EMCN: variants seen among roughly 807,000 people sequenced by gnomAD.
EMCN encodes the protein endomucin, also known as MUC-14.
In EMCN, 37 loss-of-function variants were observed where a neutral mutation model predicts 38.4. The observed-to-expected ratio is 0.96, with a 90% confidence interval of 0.74 to 1.27. The LOEUF (loss-of-function observed/expected upper bound fraction) is 1.27. Among genes scored for constraint, EMCN ranks in the 50% most tolerant of loss-of-function variants. The pLI is 0.00. For synonymous variants in EMCN, 95 were observed against 100.8 expected, an observed-to-expected ratio of 0.94 and a Z score of 0.35; for missense variants, 318 against 302.8, an observed-to-expected ratio of 1.05 and a Z score of -0.37.
chr4:100,446,291 A>G (rs1165507130), intron 5 of EMCN: 18 of 738,546 alleles, frequency 2.4e-5, no homozygotes, highest in Non-Finnish European at 3.0e-5. Flanking sequence ...TTAATGAATT[A>G]AAAAAATGGT....
intron 7 of EMCN, among the ~76,000 whole-genome samples, chr4:100,422,817 CT>C (rs374729290): frequency 5.8e-5 from 7 of 120,316 alleles, no homozygotes; most frequent in African/African-American, 7.3e-5. Context: ...TTCTTTCTTT[CT>C]TTTCTTTTTT....
chr4:100,478,088 C>G (rs976965323), intron 2 of EMCN, among the ~76,000 whole-genome samples: 1 of 152,140 alleles, frequency 6.6e-6, no homozygotes, highest in Admixed American at 6.5e-5. Context: ...GAGTTATTTT[C>G]TCTGTTGTCT....
At chr4:100,411,154 C>T (rs143202210) in intron 10 of EMCN, among the ~76,000 whole-genome samples, 3,336 of 152,218 alleles carry the variant, frequency 0.022, 48 homozygotes, top group Non-Finnish European at 0.035. Context: ...GTTACTTGTA[C>T]CATCACGGCA....
chr4:100,455,744 A>T (rs571611291), intron 4 of EMCN, among the ~76,000 whole-genome samples: 2 of 151,770 alleles, frequency 1.3e-5, no homozygotes, highest in African/African-American at 4.8e-5. Context: ...ACCTGAATCT[A>T]TGGGTTTATA....
chr4:100,433,432 T>C (rs1449112141), intron 5 of EMCN, among the ~76,000 whole-genome samples: 1 of 152,238 alleles, frequency 6.6e-6, no homozygotes, highest in African/African-American at 2.4e-5. Context: ...TATGTGGTGG[T>C]AATTTCATAT....
chr4:100,410,466 G>C (rs1159545518), intron 10 of EMCN, 111 bp from the exon 11 acceptor site: 3 of 1,070,864 alleles, frequency 2.8e-6, no homozygotes, highest in Non-Finnish European at 4.2e-6. Context: ...TTTCCTGCAA[G>C]AATGTCATTA....
At chr4:100,517,695 TCTC>T (rs1729794976) in intron 1 of EMCN, among the ~76,000 whole-genome samples, 153 bp downstream of exon 1, 2 of 152,014 alleles carry the variant, frequency 1.3e-5, no homozygotes, top group South Asian at 4.1e-4. Flanking sequence ...TCTCAAGCCT[TCTC>T]CACGCACTCC....
intron 1 of EMCN, among the ~76,000 whole-genome samples, chr4:100,481,291 TA>T (rs1419423299): frequency 6.6e-6 from 1 of 152,122 alleles, no homozygotes; most frequent in Non-Finnish European, 1.5e-5. Flanking sequence ...GAAAAACCAA[TA>T]ATCTAGCATG....
intron 1 of EMCN, among the ~76,000 whole-genome samples, chr4:100,489,584 T>C (rs1157269758): frequency 2.0e-5 from 3 of 152,230 alleles, no homozygotes; most frequent in Non-Finnish European, 4.4e-5. Context: ...TTTGTGGTGA[T>C]GCTAGTATAA....
At chr4:100,468,498 A>C (rs1728385612) in intron 3 of EMCN, among the ~76,000 whole-genome samples, 1 of 152,142 alleles carries the variant, frequency 6.6e-6, no homozygotes, top group Non-Finnish European at 1.5e-5. Flanking sequence ...GAATTACAGC[A>C]TTGTTTTATC....
chr4:100,508,024 G>T (rs903480252), intron 1 of EMCN, among the ~76,000 whole-genome samples: 4 of 152,182 alleles, frequency 2.6e-5, no homozygotes, highest in Admixed American at 1.3e-4. Flanking sequence ...TGCTGCAGAA[G>T]AAGCGTATCT....
chr4:100,436,428 T>C (rs1727354616), intron 5 of EMCN, among the ~76,000 whole-genome samples: 1 of 152,120 alleles, frequency 6.6e-6, no homozygotes, highest in Admixed American at 6.6e-5. Flanking sequence ...GTAAATTAGT[T>C]CAACCATTGT....
intron 3 of EMCN, among the ~76,000 whole-genome samples, chr4:100,473,397 T>TTTTTTTA (rs1728548550): frequency 7.1e-6 from 1 of 140,490 alleles, no homozygotes; most frequent in Non-Finnish European, 1.6e-5. Context: ...TTTTTTTTTT[T>TTTTTTTA]GCTAATGACA....
At chr4:100,437,051 A>T (rs1727373370) in intron 5 of EMCN, among the ~76,000 whole-genome samples, 2 of 152,294 alleles carry the variant, frequency 1.3e-5, no homozygotes, top group African/African-American at 2.4e-5. Flanking sequence ...TTGGGGGAAA[A>T]AAAGAATTCC....
At chr4:100,434,227 A>T (rs1727284469) in intron 5 of EMCN, among the ~76,000 whole-genome samples, 1 of 152,122 alleles carries the variant, frequency 6.6e-6, no homozygotes, top group Non-Finnish European at 1.5e-5. Context: ...CAACCATCAG[A>T]GACTACTATA....
In EMCN at chr4:100,397,987, C is replaced by T. The variant is rs920232220; in HGVS notation, c.*426G>A. 1 of 151,856 alleles carries T rather than the reference C, an allele frequency of 6.6e-6. No individual in the cohort carries two copies. Among genetic ancestry groups the T allele is most frequent in the South Asian group, 2.1e-4 (1 of 4,794 alleles). 9.4% of individuals were successfully genotyped at this position (151,856 alleles called of 1,614,324 possible). On this transcript the variant is annotated 3_prime_UTR_variant, in exon 12 of 12. Coordinates refer to ENST00000296420, the MANE Select transcript of EMCN (RefSeq NM_016242.4). ...CATAGTGGTAAACAATAAATACTAA[C>T]AGTAGGTAATATAAGAACACTGAGA...
At chr4:100,445,841 G>A (rs983246752) in intron 5 of EMCN, among the ~76,000 whole-genome samples, 1 of 152,154 alleles carries the variant, frequency 6.6e-6, no homozygotes, top group Non-Finnish European at 1.5e-5. Context: ...GTAAAAAAAT[G>A]AGACTCAATT....
At chr4:100,411,406 G>A (rs1268312914) in intron 10 of EMCN, among the ~76,000 whole-genome samples, 1 of 152,112 alleles carries the variant, frequency 6.6e-6, no homozygotes, top group East Asian at 1.9e-4. Flanking sequence ...TCATCCCCTA[G>A]TATCTGCCAG....
In EMCN at chr4:100,473,022, T is replaced by TATA. The variant is rs1553930756; in HGVS notation, c.259+2015_259+2016insTAT. On this transcript the variant is annotated intron_variant, in intron 3 of 11. Coordinates refer to ENST00000296420, the MANE Select transcript of EMCN (RefSeq NM_016242.4). ...TATATATATATATTATATATATATA[T>TATA]TTTTTTTTTTTGAGGTGGAGTTTAT... Among the ~76,000 whole-genome samples the TATA allele has an allele frequency of 1.0e-3, 84 of 80,812 alleles. No homozygotes were observed. The South Asian group carries it at 0.011, about 10-fold the overall frequency. The allele number at this position is 80,812 out of a possible 152,430, so 53.0% of individuals were successfully genotyped here.
Sources: gnomAD v4.1 joint callset for allele counts (sites outside exome capture counted in the v4.1 genomes callset) on GRCh38, gnomAD v4.1.1 for gene constraint, MANE v1.5 for transcripts, NCBI Gene and HGNC (gene_info 2026-07-23, HGNC 2026-07-21) for gene names.